The following ZNF157 variants were observed in gnomAD, a reference collection of about 807,000 sequenced individuals.
ZNF157 encodes the protein zinc finger protein 22.
Under a neutral mutation model 9.4 loss-of-function variants are expected in ZNF157, and 8 were observed. The ratio of observed to expected loss-of-function variants is 0.85; its 90% confidence interval spans 0.50 to 1.53. The LOEUF (loss-of-function observed/expected upper bound fraction) is 1.53, where lower values mean the gene tolerates loss of function less well. Ranked by LOEUF, ZNF157 falls within the 40% of genes most tolerant of loss-of-function variation. The pLI is 0.00. For missense variants in ZNF157, 316 were observed against 385.2 expected (o/e 0.82, Z 1.50); for synonymous variants, 120 against 130.8 (o/e 0.92, Z 0.56).
At chrX:47,410,591 C>A in intron 2 of ZNF157, 89 bp from the exon 3 acceptor site, 1 of 977,508 alleles carries the variant, frequency 1.0e-6, no homozygotes, top group Non-Finnish European at 1.4e-6. Flanking sequence ...CTTCCTTGTG[C>A]AGCTCATGAA....
chrX:47,389,736 A>G (rs972816763), intron 1 of ZNF157, among the ~76,000 whole-genome samples: 4 of 111,300 alleles, frequency 3.6e-5, no homozygotes, highest in African/African-American at 1.3e-4. Flanking sequence ...CCCCGTCTCT[A>G]CTAAAAATAC....
rs750981474 is a variant in ZNF157 at position 47,400,516 on chromosome X, A to G, written c.73-9760A>G. On this transcript the variant is annotated intron_variant, in intron 1 of 3. Transcript: ENST00000377073. ...TCTGTGCAAAACTACAACTCTGAGG[A>G]TGATATGCAACATAATATGTCCATT... is the stretch of plus-strand genomic sequence containing the variant. Among the ~76,000 whole-genome samples the G allele has an allele frequency of 1.7e-3, 193 of 112,043 alleles. 1 individual carries two copies. The highest frequency in any genetic ancestry group is 6.0e-3 in the African/African-American group (184 of 30,911).
At chrX:47,370,773 T>C in intron 1 of ZNF157, 33 bp downstream of exon 1, 1 of 1,060,236 alleles carries the variant, frequency 9.4e-7, no homozygotes, top group South Asian at 2.4e-5. Flanking sequence ...TTTCTATATG[T>C]TCTTTATTTT....
In ZNF157 at chrX:47,413,060, CTA is replaced by C; in HGVS notation, c.989_990del (p.Tyr330Ter). The C allele has an allele frequency of 8.3e-7, 1 of 1,210,770 alleles. No individual in the cohort carries two copies. On this transcript the variant is annotated frameshift_variant, in exon 4 of 4. Coordinates refer to ENST00000377073, the MANE Select transcript of ZNF157 (RefSeq NM_003446.4). LOFTEE classifies it low-confidence loss of function (END_TRUNC). ...AAAGAATTCACACAGGTGAGAAACC[CTA>C]TGAGTGTGGTGAATGTGGGAAATTC... ...HQRIHTGEKP[Y>X]ECGECGKFFR...
intron 1 of ZNF157, among the ~76,000 whole-genome samples, chrX:47,374,775 C>T (rs1427285250): frequency 1.1e-5 from 1 of 91,036 alleles, no homozygotes; most frequent in Non-Finnish European, 2.1e-5. Flanking sequence ...GTGATGCAAT[C>T]TCGGCTCACT....
intron 1 of ZNF157, among the ~76,000 whole-genome samples, chrX:47,379,724 CTT>C (rs200985634): frequency 2.9e-3 from 185 of 62,747 alleles, no homozygotes; most frequent in East Asian, 7.7e-3. Flanking sequence ...TGTCTAGATG[CTT>C]TTTTTTTTTT....
chrX:47,396,052 C>T (rs1001040503), intron 1 of ZNF157, among the ~76,000 whole-genome samples: 1 of 111,443 alleles, frequency 9.0e-6, no homozygotes, highest in African/African-American at 3.3e-5. Flanking sequence ...AAAACAAATA[C>T]TTGTGATGTA....
intron 1 of ZNF157, among the ~76,000 whole-genome samples, chrX:47,405,070 GT>G (rs1169272301): frequency 1.8e-5 from 2 of 110,546 alleles, no homozygotes; most frequent in East Asian, 2.8e-4. Context: ...ACCAGATCTT[GT>G]GAGAACTCAA....
intron 1 of ZNF157, among the ~76,000 whole-genome samples, chrX:47,396,471 G>A (rs972805210): frequency 2.7e-5 from 3 of 110,626 alleles, no homozygotes; most frequent in Non-Finnish European, 3.8e-5. Context: ...CCCAGGAGGC[G>A]GAGGTTGCAG....
chrX:47,408,105 AT>A (rs745781573), intron 1 of ZNF157, among the ~76,000 whole-genome samples: 7,529 of 101,911 alleles, frequency 0.074, 685 homozygotes, highest in African/African-American at 0.24. Context: ...GAAGGAAGAA[AT>A]TTTTTTTTTT....
At chrX:47,386,973 T>TTG (rs1341113743) in intron 1 of ZNF157, among the ~76,000 whole-genome samples, 2 of 111,001 alleles carry the variant, frequency 1.8e-5, no homozygotes, top group African/African-American at 6.5e-5. Flanking sequence ...TTTTTTTTGT[T>TTG]TTTGTTTTTT....
intron 1 of ZNF157, among the ~76,000 whole-genome samples, chrX:47,403,652 T>C (rs1242887351): frequency 9.0e-6 from 1 of 111,130 alleles, no homozygotes; most frequent in Non-Finnish European, 1.9e-5. Flanking sequence ...GTTTACTCAT[T>C]ATACAAAAAT....
rs772093479 is a variant in ZNF157, at chrX:47,400,721, T to C, written c.73-9555T>C. ...ACCAAGGTGGAGAGCAGTGGTGCTA[T>C]CAGGGCTCACTGCAGCCTCGACCTC... On this transcript the variant is annotated intron_variant, in intron 1 of 3. Coordinates refer to ENST00000377073, the MANE Select transcript of ZNF157 (RefSeq NM_003446.4). 1.7e-3 allele frequency among the ~76,000 whole-genome samples: 194 copies of C among 111,789 alleles called. 1 individual carries two copies. The highest frequency in any genetic ancestry group is 6.0e-3 in the African/African-American group (186 of 30,803).
At position 47,394,122 on chromosome X, in the gene ZNF157, C is replaced by T. The variant is rs755554659; in HGVS notation, c.73-16154C>T. Among the ~76,000 whole-genome samples, 160 of 109,721 alleles carry T rather than the reference C, an allele frequency of 1.5e-3. 1 individual carries two copies. Among genetic ancestry groups the T allele is most frequent in the African/African-American group, 4.8e-3 (145 of 30,228 alleles). The stretch of plus-strand genomic sequence containing the variant: ...GACTACAGGCACCCGCCACCACGCC[C>T]GGCTAATTTTTTTGTATTTTTAGTA... On this transcript the variant is annotated intron_variant, in intron 1 of 3. Transcript: ENST00000377073.
At chrX:47,412,302 C>T in intron 3 of ZNF157, 67 bp from the exon 4 acceptor site, 2 of 939,874 alleles carry the variant, frequency 2.1e-6, no homozygotes, top group African/African-American at 2.0e-5. Flanking sequence ...TAATTTTATA[C>T]TGTGACAAGA....
intron 1 of ZNF157, 51 bp from the exon 2 acceptor site, chrX:47,410,225 G>T: frequency 1.7e-6 from 2 of 1,207,230 alleles, no homozygotes; most frequent in Non-Finnish European, 2.2e-6. Flanking sequence ...ATTAGTTCCT[G>T]CACATCTTTT....
chrX:47,375,931 G>A (rs1468559714), intron 1 of ZNF157, among the ~76,000 whole-genome samples: 1 of 111,630 alleles, frequency 9.0e-6, no homozygotes, highest in Non-Finnish European at 1.9e-5. Context: ...TTGGGCTCAA[G>A]CAATTTGCCC....
intron 1 of ZNF157, chrX:47,390,111 A>AT (rs2055892412): frequency 9.0e-6 from 1 of 110,948 alleles, no homozygotes; most frequent in South Asian, 3.8e-4. Context: ...ATGGTGCACA[A>AT]TTTGAGTTTT....
Position 47,412,459 on chromosome X carries a change from C to T in ZNF157, c.386C>T (p.Thr129Ile). 8.3e-7 allele frequency: 1 copy of T among 1,211,680 alleles called. No homozygotes were observed. Among genetic ancestry groups the T allele is most frequent in the Non-Finnish European group, 1.1e-6 (1 of 895,324 alleles). Residue 129 changes from threonine (T) to isoleucine (I), a missense_variant, in exon 4 of 4, where the codon ACA becomes ATA. Around this residue, in one of 3 missense-constraint regions of ZNF157, gnomAD observed 146 missense variants for 183.8 expected, o/e 0.79. Coordinates refer to ENST00000377073, the MANE Select transcript of ZNF157 (RefSeq NM_003446.4). ...CTTCTTCACCATCAGAAGATTCAAA[C>T]ATTGGATCAAAATGTTGAATATAAT... is the stretch of plus-strand genomic sequence containing the variant. ...NDLLHHQKIQ[T>I]LDQNVEYNGC... is the part of the protein sequence containing the mutation.
Sources: gnomAD v4.1 joint callset for allele counts (sites outside exome capture counted in the v4.1 genomes callset) on GRCh38, gnomAD v4.1.1 for gene constraint, gnomAD v4.1.1 regional missense constraint, MANE v1.5 for transcripts, NCBI Gene and HGNC (gene_info 2026-07-23, HGNC 2026-07-21) for gene names.